The following ZSCAN25 variants were observed in gnomAD, a reference collection of about 807,000 sequenced individuals.
The protein encoded by ZSCAN25 is zinc finger and SCAN domain containing 25, also known as zinc finger and SCAN domain-containing protein 25.
ZSCAN25 carries 27 observed loss-of-function variants against 38.7 expected under a neutral mutation model. The observed-to-expected ratio is 0.70, with a 90% CI of 0.51 to 0.96. The LOEUF (loss-of-function observed/expected upper bound fraction) is 0.96, where lower values mean the gene tolerates loss of function less well. Ranked by LOEUF, ZSCAN25 falls within the 40% of genes least tolerant of loss-of-function variation. The pLI, the probability that ZSCAN25 is intolerant of heterozygous loss-of-function variation, is 0.00. For synonymous variants in ZSCAN25, 273 were observed against 277.7 expected, an observed-to-expected ratio of 0.98 and a Z score of 0.17; for missense variants, 637 against 705.9, an observed-to-expected ratio of 0.90 and a Z score of 1.11.
the ZSCAN25 span, chr7:99,638,886 G>T: frequency 4.0e-5 from 23 of 568,056 alleles, no homozygotes; most frequent in Middle Eastern, 2.9e-4. Flanking sequence ...CCTGGGAGTT[G>T]TCTCCTAAGG....
At chr7:99,734,218 C>T in the ZSCAN25 span, among the ~76,000 whole-genome samples, 1 of 152,214 alleles carries the variant, frequency 6.6e-6, no homozygotes, top group East Asian at 1.9e-4. Context: ...TTTTCTGTTT[C>T]CATGTGACCA....
At chr7:99,719,299 A>G in the ZSCAN25 span, among the ~76,000 whole-genome samples, 1 of 152,324 alleles carries the variant, frequency 6.6e-6, no homozygotes, top group Admixed American at 6.5e-5. Context: ...TGATGGAGGA[A>G]TAAACACAGT....
intron 5 of ZSCAN25, chr7:99,621,919 T>G (rs1002830501): frequency 2.1e-4 from 36 of 169,264 alleles, no homozygotes; most frequent in East Asian, 9.5e-4. Flanking sequence ...TATGTAGCTT[T>G]CTTTCTTTCT....
chr7:99,669,388 C>T, the ZSCAN25 span, among the ~76,000 whole-genome samples: 3 of 152,104 alleles, frequency 2.0e-5, no homozygotes, highest in African/African-American at 7.2e-5. Context: ...AGTTACAACT[C>T]GGACTCAATC....
At chr7:99,679,762 A>G in the ZSCAN25 span, 2 of 1,496,648 alleles carry the variant, frequency 1.3e-6, no homozygotes, top group South Asian at 2.3e-5. Flanking sequence ...AGATAAGGGA[A>G]AAGGGGCCCG....
At chr7:99,710,429 C>T in the ZSCAN25 span, among the ~76,000 whole-genome samples, 2 of 152,138 alleles carry the variant, frequency 1.3e-5, no homozygotes, top group African/African-American at 2.4e-5. Flanking sequence ...ACTATCAAGA[C>T]GTGTGAGCAA....
chr7:99,638,743 ATT>A, the ZSCAN25 span: 1 of 1,168,806 alleles, frequency 8.6e-7, no homozygotes, highest in East Asian at 2.3e-5. Context: ...GTTCCCGAAG[ATT>A]TTGCATAGCA....
At chr7:99,658,441 C>T in the ZSCAN25 span, among the ~76,000 whole-genome samples, 4 of 152,052 alleles carry the variant, frequency 2.6e-5, no homozygotes, top group Non-Finnish European at 5.9e-5. Context: ...GAGTTTCTGC[C>T]GAGAGATCCA....
chr7:99,679,970 G>T, the ZSCAN25 span: 1 of 1,336,128 alleles, frequency 7.5e-7, no homozygotes, highest in Non-Finnish European at 1.1e-6. Context: ...TGGGCTGTTT[G>T]CCTGGAGCTT....
At chr7:99,734,957 A>G in the ZSCAN25 span, 12 of 1,609,376 alleles carry the variant, frequency 7.5e-6, no homozygotes, top group East Asian at 2.7e-4. Context: ...AGATAAGGGA[A>G]AGAGAGGCCT....
the ZSCAN25 span, among the ~76,000 whole-genome samples, chr7:99,729,486 C>G: frequency 6.6e-6 from 1 of 152,024 alleles, no homozygotes; most frequent in Non-Finnish European, 1.5e-5. Context: ...TTTTATTTTT[C>G]TTAATATAAA....
At position 99,622,580 on chromosome 7, in the gene ZSCAN25, C is replaced by T. The variant is rs1197171061; in HGVS notation, c.621C>T (p.Leu207=). 6.2e-7 allele frequency: 1 copy of T among 1,614,192 alleles called. No homozygotes were observed. The highest frequency in any genetic ancestry group is 8.5e-7 in the Non-Finnish European group (1 of 1,180,034). ...ALPVLQAGPG[L]PAVNPRDQEM... The stretch of plus-strand genomic sequence containing the variant: ...CTGTTCTGCAGGCGGGTCCTGGCCT[C>T]CCCGCAGTGAATCCCAGAGACCAAG... Residue 207 remains leucine, a synonymous_variant, in exon 6 of 8, where the codon CTC becomes CTT. Transcript: ENST00000394152.
At chr7:99,692,478 C>T in the ZSCAN25 span, among the ~76,000 whole-genome samples, 1 of 152,142 alleles carries the variant, frequency 6.6e-6, no homozygotes, top group Admixed American at 6.5e-5. Context: ...TGGATAATAT[C>T]CTGAAGAGTG....
chr7:99,692,319 C>T, the ZSCAN25 span, among the ~76,000 whole-genome samples: 177 of 152,268 alleles, frequency 1.2e-3, no homozygotes, highest in Non-Finnish European at 2.2e-3. Flanking sequence ...TCTCTGGCTG[C>T]CCTTAACATT....
At chr7:99,624,258 C>G in intron 7 of ZSCAN25, 78 bp downstream of exon 7, 1 of 1,592,402 alleles carries the variant, frequency 6.3e-7, no homozygotes, top group Middle Eastern at 2.2e-4. Flanking sequence ...GTAGCTCTGG[C>G]GCTCCTGGCA....
At chr7:99,693,919 A>G in the ZSCAN25 span, among the ~76,000 whole-genome samples, 10 of 152,226 alleles carry the variant, frequency 6.6e-5, no homozygotes, top group Non-Finnish European at 1.0e-4. Context: ...GTTGAATCCA[A>G]TGAAATCAGA....
the ZSCAN25 span, chr7:99,730,779 C>G: frequency 6.2e-5 from 24 of 387,978 alleles, no homozygotes; most frequent in African/African-American, 4.9e-4. Context: ...AAAGGAAATG[C>G]TCTTTATGGT....
the ZSCAN25 span, among the ~76,000 whole-genome samples, chr7:99,707,582 T>C: frequency 6.6e-6 from 1 of 152,244 alleles, no homozygotes; most frequent in African/African-American, 2.4e-5. Context: ...AGACTGTAGA[T>C]AATCATGTCA....
chr7:99,669,128 TA>T, the ZSCAN25 span, among the ~76,000 whole-genome samples: 1 of 152,150 alleles, frequency 6.6e-6, no homozygotes, highest in Non-Finnish European at 1.5e-5. Flanking sequence ...AAGAAAACCC[TA>T]AAAAACAAAA....
Sources: gnomAD v4.1 joint callset for allele counts (sites outside exome capture counted in the v4.1 genomes callset) on GRCh38, gnomAD v4.1.1 for gene constraint, MANE v1.5 for transcripts, NCBI Gene and HGNC (gene_info 2026-07-23, HGNC 2026-07-21) for gene names.